The following ASIC2 variants were observed in gnomAD, a reference collection of about 807,000 sequenced individuals.
The protein encoded by ASIC2 is acid sensing ion channel subunit 2.
ASIC2 carries 25 observed loss-of-function variants against 57.3 expected under a neutral mutation model. The observed-to-expected ratio is 0.44, with a 90% CI of 0.32 to 0.61. ASIC2 has a LOEUF of 0.61. Among genes scored for constraint, ASIC2 ranks in the 20% least tolerant of loss-of-function variants. The pLI is 0.06. For synonymous variants in ASIC2, 319 were observed against 307.5 expected, an observed-to-expected ratio of 1.04 and a Z score of -0.39; for missense variants, 641 against 738.1, an observed-to-expected ratio of 0.87 and a Z score of 1.52.
At chr17:33,047,033 C>T (rs1019211852) in intron 3 of ASIC2, among the ~76,000 whole-genome samples, 7 of 152,262 alleles carry the variant, frequency 4.6e-5, no homozygotes, top group Non-Finnish European at 5.9e-5. Context: ...CATCCCTCAG[C>T]GCCTGAGATG....
chr17:33,849,982 T>C (rs1913720683), intron 1 of ASIC2, among the ~76,000 whole-genome samples: 1 of 151,954 alleles, frequency 6.6e-6, no homozygotes, highest in South Asian at 2.1e-4. Flanking sequence ...ACAGTAGATA[T>C]ACAAAGTATT....
chr17:33,726,151 C>A (rs1048760460), intron 1 of ASIC2, among the ~76,000 whole-genome samples: 3 of 152,144 alleles, frequency 2.0e-5, no homozygotes, highest in African/African-American at 7.2e-5. Context: ...CCTAGGCTAC[C>A]ATGTCAGAAA....
At chr17:33,245,120 A>T (rs1271714434) in intron 1 of ASIC2, among the ~76,000 whole-genome samples, 1 of 152,246 alleles carries the variant, frequency 6.6e-6, no homozygotes, top group East Asian at 1.9e-4. Context: ...CACATGCATT[A>T]TAAAGACTCC....
At chr17:33,523,966 G>A (rs1240297027) in intron 1 of ASIC2, among the ~76,000 whole-genome samples, 1 of 152,096 alleles carries the variant, frequency 6.6e-6, no homozygotes, top group Non-Finnish European at 1.5e-5. Context: ...TCAACTCTTC[G>A]GATGACCCCT....
At chr17:33,350,545 T>G (rs1298388832) in intron 1 of ASIC2, among the ~76,000 whole-genome samples, 1 of 151,870 alleles carries the variant, frequency 6.6e-6, no homozygotes, top group Non-Finnish European at 1.5e-5. Flanking sequence ...CTGGGCGTCG[T>G]GGTGTGCGCA....
At chr17:33,877,571 G>A (rs1055072308) in intron 1 of ASIC2, among the ~76,000 whole-genome samples, 9 of 152,198 alleles carry the variant, frequency 5.9e-5, no homozygotes, top group Non-Finnish European at 7.3e-5. Flanking sequence ...AGGGGCACCC[G>A]CCATTGCCCA....
chr17:33,767,577 AAGTT>A (rs1399365859), intron 1 of ASIC2, among the ~76,000 whole-genome samples: 11 of 152,220 alleles, frequency 7.2e-5, no homozygotes, highest in Non-Finnish European at 1.5e-4. Flanking sequence ...ATATATAAGA[AAGTT>A]AGAGGATATT....
chr17:33,079,899 G>A (rs147550116), intron 3 of ASIC2, among the ~76,000 whole-genome samples: 218 of 152,240 alleles, frequency 1.4e-3, no homozygotes, highest in Non-Finnish European at 2.6e-3. Context: ...TTTGCACTCC[G>A]GCCATTTACA....
At chr17:33,466,650 A>G (rs1325448615) in intron 1 of ASIC2, among the ~76,000 whole-genome samples, 1 of 152,208 alleles carries the variant, frequency 6.6e-6, no homozygotes, top group Non-Finnish European at 1.5e-5. Flanking sequence ...AAACAGAGAT[A>G]TAGACCAATG....
At chr17:33,232,498 C>A (rs62067894) in intron 1 of ASIC2, among the ~76,000 whole-genome samples, 1 of 141,846 alleles carries the variant, frequency 7.0e-6, no homozygotes, top group Non-Finnish European at 1.5e-5. Context: ...TGGTATGGTA[C>A]GGTATGGTAT....
intron 1 of ASIC2, among the ~76,000 whole-genome samples, chr17:33,920,562 G>T (rs895984250): frequency 4.0e-5 from 6 of 151,746 alleles, no homozygotes; most frequent in African/African-American, 1.5e-4. Flanking sequence ...CCAGAGAAGG[G>T]AGACAGGGAG....
intron 3 of ASIC2, among the ~76,000 whole-genome samples, chr17:33,044,160 T>C (rs16594): frequency 1.3e-5 from 2 of 152,094 alleles, no homozygotes; most frequent in South Asian, 4.2e-4. Context: ...TCTGCGAGAA[T>C]CCTTTAAGCT....
chr17:34,044,124 ACG>A (rs1158071740), intron 1 of ASIC2, among the ~76,000 whole-genome samples: 36 of 50,506 alleles, frequency 7.1e-4, no homozygotes, highest in African/African-American at 6.2e-3. Flanking sequence ...ACACACACAC[ACG>A]CACGCACACA....
At chr17:33,969,547 A>G (rs571099055) in intron 1 of ASIC2, among the ~76,000 whole-genome samples, 1 of 152,340 alleles carries the variant, frequency 6.6e-6, no homozygotes, top group South Asian at 2.1e-4. Context: ...GAAGGCAGGA[A>G]GCAATGCAGG....
intron 1 of ASIC2, among the ~76,000 whole-genome samples, chr17:33,161,799 G>A (rs1905167340): frequency 6.7e-6 from 1 of 150,324 alleles, no homozygotes; most frequent in African/African-American, 2.4e-5. Context: ...TCTGCACACA[G>A]GATCAGGGAG....
chr17:33,417,868 G>A (rs1715386173), intron 1 of ASIC2, among the ~76,000 whole-genome samples: 1 of 152,184 alleles, frequency 6.6e-6, no homozygotes, highest in African/African-American at 2.4e-5. Flanking sequence ...CTGCTGTGAA[G>A]TGAGGAGGCC....
At chr17:34,067,095 C>A (rs1022422144) in intron 1 of ASIC2, among the ~76,000 whole-genome samples, 1 of 152,214 alleles carries the variant, frequency 6.6e-6, no homozygotes, top group Admixed American at 6.5e-5. Context: ...ACTTTAGGAA[C>A]CTTCAAGAAT....
intron 1 of ASIC2, among the ~76,000 whole-genome samples, chr17:33,707,713 T>C (rs149917890): frequency 2.0e-5 from 3 of 152,368 alleles, no homozygotes; most frequent in African/African-American, 4.8e-5. Flanking sequence ...TATCTGCCTT[T>C]CAGTTAGAGG....
At chr17:33,107,837 C>T (rs1330458868) in intron 2 of ASIC2, among the ~76,000 whole-genome samples, 1 of 152,196 alleles carries the variant, frequency 6.6e-6, no homozygotes, top group African/African-American at 2.4e-5. Flanking sequence ...CTCCCTGCTT[C>T]CTGACATTCC....
Sources: allele counts gnomAD v4.1 joint callset (sites outside exome capture counted in the v4.1 genomes callset), GRCh38; gene constraint gnomAD v4.1.1; transcripts MANE v1.5; gene names NCBI Gene and HGNC (gene_info 2026-07-23, HGNC 2026-07-21).